The following BCL11B variants were observed in gnomAD, a reference collection of about 807,000 sequenced individuals.
BCL11B encodes the protein B-cell lymphoma/leukemia 11B.
In BCL11B, 8 loss-of-function variants were observed where a neutral mutation model predicts 49.9. That is an observed-to-expected ratio of 0.16 (90% confidence interval 0.09 to 0.29). The LOEUF is 0.29. BCL11B is among the 10% of genes least tolerant of loss of function. BCL11B has a pLI of 1.00. For synonymous variants in BCL11B, 739 were observed against 637.4 expected, an observed-to-expected ratio of 1.16 and a Z score of -2.40; for missense variants, 1,006 against 1,351.0, an observed-to-expected ratio of 0.74 and a Z score of 4.00.
intron 3 of BCL11B, among the ~76,000 whole-genome samples, chr14:99,181,781 G>C (rs1283171522): frequency 6.6e-6 from 1 of 152,196 alleles, no homozygotes; most frequent in Non-Finnish European, 1.5e-5. Context: ...TGGGAAACCA[G>C]ATCCCAGGGC....
intron 3 of BCL11B, among the ~76,000 whole-genome samples, chr14:99,197,284 C>T (rs1465442430): frequency 6.6e-6 from 1 of 152,124 alleles, no homozygotes; most frequent in Non-Finnish European, 1.5e-5. Flanking sequence ...GAAGGGGACA[C>T]CTACAGGGAC....
chr14:99,208,248 G>T (rs1427218217), intron 3 of BCL11B, among the ~76,000 whole-genome samples: 1 of 152,156 alleles, frequency 6.6e-6, no homozygotes, highest in African/African-American at 2.4e-5. Context: ...AGATGGGCCT[G>T]CTCAGGCCTG....
intron 3 of BCL11B, among the ~76,000 whole-genome samples, chr14:99,181,113 A>G (rs1340462888): frequency 6.6e-6 from 1 of 152,240 alleles, no homozygotes; most frequent in Non-Finnish European, 1.5e-5. Flanking sequence ...CCTAAGGCCA[A>G]GTGATACCAA....
intron 3 of BCL11B, among the ~76,000 whole-genome samples, chr14:99,225,082 C>T (rs1254421416): frequency 6.6e-6 from 1 of 152,194 alleles, no homozygotes; most frequent in African/African-American, 2.4e-5. Context: ...AATCTCATTG[C>T]AGGGTTCACA....
At chr14:99,269,690 A>G (rs1041927583) in intron 1 of BCL11B, among the ~76,000 whole-genome samples, 5 of 150,818 alleles carry the variant, frequency 3.3e-5, no homozygotes, top group African/African-American at 1.2e-4. Context: ...TTTTTAAAAT[A>G]TAACATAAAT....
chr14:99,225,651 G>A (rs867033715), intron 3 of BCL11B, among the ~76,000 whole-genome samples: 44 of 151,728 alleles, frequency 2.9e-4, no homozygotes, highest in African/African-American at 1.1e-3. Flanking sequence ...TAAAAAAAAA[G>A]GGAAAAAAAG....
rs971378736 is a variant in BCL11B, at chr14:99,228,156, T to C, written c.640+3189A>G. On this transcript the variant is annotated intron_variant, in intron 3 of 3. Transcript: ENST00000357195. This position sits in a 1 kb window ranked among gnomAD's most constrained non-coding sequence, Gnocchi z 4.8. ...TGTTAACTTGAAGAGATGGGTTCAA[T>C]GCATCCTGATCCGAAAAGGGACAAA... Among the ~76,000 whole-genome samples, 2 of 152,216 alleles carry C rather than the reference T, an allele frequency of 1.3e-5. No individual in the cohort carries two copies. Among genetic ancestry groups the C allele is most frequent in the Admixed American group, 6.5e-5 (1 of 15,278 alleles).
In BCL11B at chr14:99,271,379, C is replaced by T; in HGVS notation, c.-161G>A. 6.3e-6 allele frequency: 2 copies of T among 318,822 alleles called. No individual in the cohort carries two copies. The highest frequency in any genetic ancestry group is 1.1e-5 in the Non-Finnish European group (2 of 176,182). 19.7% of individuals were successfully genotyped at this position (318,822 alleles called of 1,614,324 possible). ...GGGTTGGTGTTTTTTTTCCCTTCCT[C>T]TCTTTCCCTCTCTTCCTCCTCTTCT... On this transcript the variant is annotated 5_prime_UTR_variant, in exon 1 of 4. Coordinates refer to ENST00000357195, the MANE Select transcript of BCL11B (RefSeq NM_138576.4).
At chr14:99,260,718 C>T (rs1361159493) in intron 1 of BCL11B, among the ~76,000 whole-genome samples, 1 of 151,994 alleles carries the variant, frequency 6.6e-6, no homozygotes, top group African/African-American at 2.4e-5. Flanking sequence ...TGCCTTTTCA[C>T]TTTCCTCATG....
Position 99,173,425 on chromosome 14 carries a change from A to T in BCL11B, c.*726T>A, listed in dbSNP as rs1477201115. ...ATGTAATATGAAAGCCGAAATCAAC[A>T]CAGAAAAGGCCGCTTGACTCGGGAC... On this transcript the variant is annotated 3_prime_UTR_variant, in exon 4 of 4. Coordinates refer to ENST00000357195, the MANE Select transcript of BCL11B (RefSeq NM_138576.4). The T allele has an allele frequency of 4.6e-6, 1 of 218,468 alleles. No individual in the cohort carries two copies. The highest frequency in any genetic ancestry group is 9.2e-6 in the Non-Finnish European group (1 of 108,630). The allele number at this position is 218,468 out of a possible 1,614,324, so 13.5% of individuals were successfully genotyped here.
rs1236841415 is a variant in BCL11B, at chr14:99,262,029, C to G, written c.59-4190G>C. 1.3e-5 allele frequency among the ~76,000 whole-genome samples: 2 copies of G among 152,234 alleles called. No individual in the cohort carries two copies. Among genetic ancestry groups the G allele is most frequent in the African/African-American group, 4.8e-5 (2 of 41,454 alleles). ...CATCGTTGTTAAGTGAAAGGGGAAG[C>G]ACTTGATCCCAAGACAAACTTCCCC... On this transcript the variant is annotated intron_variant, in intron 1 of 3. Transcript: ENST00000357195. This position sits in a 1 kb window ranked among gnomAD's most constrained non-coding sequence, Gnocchi z 4.2.
At chr14:99,254,908 T>C (rs1889114510) in intron 2 of BCL11B, among the ~76,000 whole-genome samples, 1 of 151,952 alleles carries the variant, frequency 6.6e-6, no homozygotes, top group Non-Finnish European at 1.5e-5. Flanking sequence ...AAGTTATCTG[T>C]GTTTCCTTTA....
At position 99,271,529 on chromosome 14, in the gene BCL11B, A is replaced by C; in HGVS notation, c.-311T>G. 4.7e-6 allele frequency: 1 copy of C among 213,586 alleles called. No homozygotes were observed. The highest frequency in any genetic ancestry group is 9.5e-6 in the Non-Finnish European group (1 of 104,872). 13.2% of individuals were successfully genotyped at this position (213,586 alleles called of 1,614,324 possible). ...AGAAAAAGAGGCAAAAAAAAAAAAA[A>C]CTGCTGTTGCTTTCCGCGGACTGGC... On this transcript the variant is annotated 5_prime_UTR_variant, in exon 1 of 4. Transcript: ENST00000357195.
chr14:99,234,509 C>G (rs957328985), intron 2 of BCL11B, among the ~76,000 whole-genome samples: 1 of 152,116 alleles, frequency 6.6e-6, no homozygotes, highest in Non-Finnish European at 1.5e-5. Context: ...GCTCCCAGGC[C>G]GCACAGCCTT....
Position 99,232,143 on chromosome 14 carries a change from G to A in BCL11B, c.428-586C>T, listed in dbSNP as rs769356534. On this transcript the variant is annotated intron_variant, in intron 2 of 3. Transcript: ENST00000357195. The surrounding 1 kb of genome is among the most constrained non-coding windows in gnomAD (Gnocchi z 5.1). ...CTCTCTCCAGCCCCAAGCACTGAGC[G>A]TGCTGCACCCAAAACGCAATGCCCT... Among the ~76,000 whole-genome samples, 4 of 152,072 alleles carry A rather than the reference G, an allele frequency of 2.6e-5. No individual in the cohort carries two copies. Among genetic ancestry groups the A allele is most frequent in the Non-Finnish European group, 5.9e-5 (4 of 67,996 alleles).
rs775474405 is a variant in BCL11B, at chr14:99,175,094, C to A, written c.1742G>T (p.Gly581Val). 6.3e-6 allele frequency: 10 copies of A among 1,598,418 alleles called. No homozygotes were observed. In the South Asian group the frequency reaches 1.1e-4, roughly 18 times the overall value. Residue 581 changes from glycine to valine, a missense_variant, in exon 4 of 4, where the codon GGC (glycine) becomes GTC (valine). Physicochemically the swap from Gly to Val is moderately radical, Grantham distance 109. Around this residue, in one of 6 missense-constraint regions of BCL11B, gnomAD observed 443 missense variants for 499.7 expected, o/e 0.89. Coordinates refer to ENST00000357195, the MANE Select transcript of BCL11B (RefSeq NM_138576.4). ...GGVPGVPGAG[G>V]GAAKALADEK... The stretch of plus-strand genomic sequence containing the variant: ...GTCAGCCAGCGCCTTGGCCGCGCCG[C>A]CCCCCGCGCCCGGGACCCCGGGCAC...
intron 3 of BCL11B, among the ~76,000 whole-genome samples, chr14:99,202,412 G>C (rs1432553230): frequency 6.6e-6 from 1 of 152,178 alleles, no homozygotes; most frequent in Admixed American, 6.5e-5. Context: ...GAGGACACTT[G>C]AGCCTCCCAG....
At chr14:99,245,796 C>G (rs1888810702) in intron 2 of BCL11B, among the ~76,000 whole-genome samples, 1 of 152,118 alleles carries the variant, frequency 6.6e-6, no homozygotes, top group South Asian at 2.1e-4. Context: ...AGGGGCGGCC[C>G]CGTGCGCACA....
intron 3 of BCL11B, among the ~76,000 whole-genome samples, chr14:99,229,535 T>C (rs1888267444): frequency 6.6e-6 from 1 of 152,122 alleles, no homozygotes; most frequent in South Asian, 2.1e-4. Flanking sequence ...TGCTTCTCCA[T>C]CTGCAAAATG....
Sources: allele counts gnomAD v4.1 joint callset (sites outside exome capture counted in the v4.1 genomes callset), GRCh38; gene constraint gnomAD v4.1.1; regional missense constraint gnomAD v4.1.1; non-coding constraint Gnocchi (gnomAD v3.1); transcripts MANE v1.5; gene names NCBI Gene and HGNC (gene_info 2026-07-23, HGNC 2026-07-21).